Variants in MAP3K7 observed in about 807,000 individuals in gnomAD.
MAP3K7 encodes the protein TGF-beta activated kinase 1.
In MAP3K7, 21 loss-of-function variants were observed where a neutral mutation model predicts 84.8. The observed-to-expected ratio is 0.25, with a 90% CI of 0.18 to 0.36. The LOEUF (loss-of-function observed/expected upper bound fraction) is 0.36. Among genes scored for constraint, MAP3K7 ranks in the 10% least tolerant of loss-of-function variants. The probability of loss-of-function intolerance (pLI) is 1.00; values close to 1 mark genes in which losing one functional copy is unlikely to be tolerated. For synonymous variants in MAP3K7, 241 were observed against 247.7 expected, an observed-to-expected ratio of 0.97 and a Z score of 0.25; for missense variants, 503 against 747.7, an observed-to-expected ratio of 0.67 and a Z score of 3.82.
chr6:90,547,244 T>C lies in MAP3K7; in HGVS notation c.1210+14A>G, dbSNP rs896181092. 1 of 1,613,282 alleles carries C rather than the reference T, an allele frequency of 6.2e-7. No homozygotes were observed. The highest frequency in any genetic ancestry group is 8.5e-7 in the Non-Finnish European group (1 of 1,179,576). On this transcript the variant is annotated intron_variant, in intron 11 of 16. Transcript: ENST00000369329. ...TATACATTTTCACTCTTCAGACTTG[T>C]AGTTCCTTTTTACCTGTGGTTGCGG...
intron 13 of MAP3K7, among the ~76,000 whole-genome samples, chr6:90,531,955 G>A (rs1223389224): frequency 6.3e-5 from 9 of 143,486 alleles, no homozygotes; most frequent in African/African-American, 1.8e-4. Context: ...ACTGTGTCTC[G>A]GAAAAAAAAA....
At chr6:90,550,643 TTGTAGG>T in intron 8 of MAP3K7, 94 bp from the exon 9 acceptor site, 1 of 717,772 alleles carries the variant, frequency 1.4e-6, no homozygotes, top group Non-Finnish European at 2.3e-6. Flanking sequence ...TATACTAAAT[TTGTAGG>T]TGCCTAAGTT....
chr6:90,558,597 GGA>G (rs139293127), intron 5 of MAP3K7, among the ~76,000 whole-genome samples: 1 of 152,188 alleles, frequency 6.6e-6, no homozygotes, highest in Non-Finnish European at 1.5e-5. Flanking sequence ...ACTAGCAAAA[GGA>G]GAATCTCTAT....
intron 13 of MAP3K7, among the ~76,000 whole-genome samples, chr6:90,531,765 C>T (rs1261853472): frequency 2.0e-5 from 3 of 151,968 alleles, no homozygotes; most frequent in African/African-American, 7.2e-5. Context: ...CCAGCCTGGG[C>T]AACAGGGTGA....
At chr6:90,584,765 C>T (rs961589364) in intron 1 of MAP3K7, among the ~76,000 whole-genome samples, 2 of 152,134 alleles carry the variant, frequency 1.3e-5, no homozygotes, top group African/African-American at 4.8e-5. Flanking sequence ...TATTATATAA[C>T]AATTTGTAGT....
intron 12 of MAP3K7, among the ~76,000 whole-genome samples, chr6:90,538,173 A>T (rs927317736): frequency 1.3e-5 from 2 of 151,946 alleles, no homozygotes; most frequent in Non-Finnish European, 2.9e-5. Flanking sequence ...GGCAGAAACC[A>T]TCTGGCAGAT....
At chr6:90,567,384 C>T (rs971980512) in intron 3 of MAP3K7, among the ~76,000 whole-genome samples, 5 of 152,164 alleles carry the variant, frequency 3.3e-5, no homozygotes, top group South Asian at 4.1e-4. Flanking sequence ...TCAAACAACC[C>T]CATCAAAAAG....
At chr6:90,554,423 G>C (rs1776272952) in intron 6 of MAP3K7, among the ~76,000 whole-genome samples, 1 of 152,176 alleles carries the variant, frequency 6.6e-6, no homozygotes, top group African/African-American at 2.4e-5. Context: ...AAACTAAGTA[G>C]GTGGTTGAAT....
chr6:90,556,358 T>G, intron 6 of MAP3K7, 142 bp downstream of exon 6: 1 of 799,048 alleles, frequency 1.3e-6, no homozygotes, highest in Non-Finnish European at 1.9e-6. Flanking sequence ...TAACACTATA[T>G]TTAATATCCC....
chr6:90,528,508 G>C (rs1398529112), intron 13 of MAP3K7, among the ~76,000 whole-genome samples: 1 of 152,204 alleles, frequency 6.6e-6, no homozygotes, highest in African/African-American at 2.4e-5. Flanking sequence ...GTTCCATATA[G>C]TGCTAAAATT....
At chr6:90,575,644 G>C (rs957033548) in intron 1 of MAP3K7, among the ~76,000 whole-genome samples, 1 of 152,060 alleles carries the variant, frequency 6.6e-6, no homozygotes, top group African/African-American at 2.4e-5. Context: ...GCAGAGTGTT[G>C]GGACCTACAT....
Position 90,552,194 on chromosome 6 carries a change from G to T in MAP3K7, c.737-15C>A, listed in dbSNP as rs1776199625. 9 of 1,587,424 alleles carry T rather than the reference G, an allele frequency of 5.7e-6. No individual in the cohort carries two copies. Among genetic ancestry groups the T allele is most frequent in the Non-Finnish European group, 7.8e-6 (9 of 1,159,330 alleles). ...TGGTCGAGTACCTACAATTGAAAAT[G>T]AGAGGAAGGGGGGAAGAATGTATTT... On this transcript the variant is annotated splice_polypyrimidine_tract_variant and intron_variant, in intron 7 of 16. Coordinates refer to ENST00000369329, the MANE Select transcript of MAP3K7 (RefSeq NM_145331.3).
intron 8 of MAP3K7, chr6:90,550,796 A>G (rs1776157097): frequency 6.1e-6 from 2 of 329,920 alleles, no homozygotes; most frequent in Non-Finnish European, 5.6e-6. Context: ...CTAGAGAAAC[A>G]TATGAAATAA....
At chr6:90,533,058 C>T (rs558326918) in intron 13 of MAP3K7, among the ~76,000 whole-genome samples, 16 of 152,328 alleles carry the variant, frequency 1.1e-4, no homozygotes, top group Middle Eastern at 3.4e-3. Context: ...CTCTCATCCT[C>T]ACTTTACCTG....
intron 1 of MAP3K7, among the ~76,000 whole-genome samples, chr6:90,578,279 GTTT>G (rs1695545344): frequency 6.6e-6 from 1 of 152,064 alleles, no homozygotes; most frequent in Non-Finnish European, 1.5e-5. Context: ...GTTTTGTTTT[GTTT>G]GTTTTTTTGA....
At chr6:90,564,232 T>C (rs1047472425) in intron 3 of MAP3K7, among the ~76,000 whole-genome samples, 11 of 152,122 alleles carry the variant, frequency 7.2e-5, no homozygotes, top group African/African-American at 2.7e-4. Flanking sequence ...TCACCTTAAA[T>C]GTAAATGGGC....
At chr6:90,527,433 T>C (rs551510549) in intron 13 of MAP3K7, among the ~76,000 whole-genome samples, 97 of 151,636 alleles carry the variant, frequency 6.4e-4, no homozygotes, top group South Asian at 1.7e-3. Flanking sequence ...TGGCTAATTT[T>C]AAAAAAAATT....
intron 3 of MAP3K7, among the ~76,000 whole-genome samples, chr6:90,564,757 C>A (rs2127981217): frequency 6.6e-6 from 1 of 152,326 alleles, no homozygotes; most frequent in Non-Finnish European, 1.5e-5. Context: ...CCCAAATCAA[C>A]AGAATACACA....
At chr6:90,524,128 G>A (rs1422664780) in intron 13 of MAP3K7, among the ~76,000 whole-genome samples, 1 of 152,134 alleles carries the variant, frequency 6.6e-6, no homozygotes, top group East Asian at 1.9e-4. Flanking sequence ...CAGAGGAATG[G>A]ACCATAAAGC....
Sources: allele counts gnomAD v4.1 joint callset (sites outside exome capture counted in the v4.1 genomes callset), GRCh38; gene constraint gnomAD v4.1.1; transcripts MANE v1.5; gene names NCBI Gene and HGNC (gene_info 2026-07-23, HGNC 2026-07-21).